The following NTN1 variants were observed in gnomAD, a reference collection of about 807,000 sequenced individuals.
NTN1 encodes the protein netrin-1.
NTN1 carries 11 observed loss-of-function variants against 54.2 expected under a neutral mutation model. That is an observed-to-expected ratio of 0.20 (90% CI 0.13 to 0.34). The LOEUF is 0.34. Ranked by LOEUF, NTN1 falls within the 10% of genes least tolerant of loss-of-function variation. The pLI is 1.00. For missense variants in NTN1, 740 were observed against 893.1 expected (o/e 0.83, Z 2.18); for synonymous variants, 371 against 382.0 (o/e 0.97, Z 0.33).
At chr17:9,167,421 T>C (rs1049922995) in intron 3 of NTN1, among the ~76,000 whole-genome samples, 2 of 152,202 alleles carry the variant, frequency 1.3e-5, no homozygotes, top group African/African-American at 4.8e-5. Context: ...CTGTGATGGA[T>C]AAAGACATTC....
chr17:9,046,239 G>A (rs1449101988), intron 2 of NTN1, among the ~76,000 whole-genome samples: 1 of 152,176 alleles, frequency 6.6e-6, no homozygotes, highest in Non-Finnish European at 1.5e-5. Flanking sequence ...AAGAACTTCA[G>A]TGGATGTTTT....
intron 5 of NTN1, among the ~76,000 whole-genome samples, chr17:9,192,064 A>G (rs1904477986): frequency 6.6e-6 from 1 of 152,140 alleles, no homozygotes. Flanking sequence ...TTGGGGAAGC[A>G]GGTACCCACC....
At chr17:9,178,805 A>T (rs530104396) in intron 3 of NTN1, 1 of 152,434 alleles carries the variant, frequency 6.6e-6, no homozygotes, top group Non-Finnish European at 1.5e-5. Flanking sequence ...GCCACCGCCT[A>T]GCTTCAGGGA....
chr17:9,213,175 G>A (rs1567740444), intron 5 of NTN1, among the ~76,000 whole-genome samples: 1 of 152,348 alleles, frequency 6.6e-6, no homozygotes, highest in East Asian at 1.9e-4. Flanking sequence ...GCCAGGATGG[G>A]CCTGCTGCGA....
intron 5 of NTN1, among the ~76,000 whole-genome samples, chr17:9,195,192 A>ACCGCCCCCCCCCCCCTCCC (rs3031881): frequency 7.0e-6 from 1 of 142,398 alleles, no homozygotes; most frequent in Non-Finnish European, 1.5e-5. Flanking sequence ...GGCGAGCTCT[A>ACCGCCCCCCCCCCCCTCCC]CCACCCCTCC....
At chr17:9,232,873 G>A (rs1399650999) in intron 6 of NTN1, among the ~76,000 whole-genome samples, 1 of 152,262 alleles carries the variant, frequency 6.6e-6, no homozygotes, top group East Asian at 1.9e-4. Flanking sequence ...GGAAGCATGT[G>A]CTCAGAGCTG....
Position 9,153,525 on chromosome 17 carries a change from A to G in NTN1, c.1019-9288A>G, listed in dbSNP as rs116153225. Among the ~76,000 whole-genome samples the G allele has an allele frequency of 4.0e-3, 616 of 152,298 alleles. 9 individuals are homozygous for G. Among genetic ancestry groups the G allele is most frequent in the African/African-American group, 0.014 (575 of 41,550 alleles). On this transcript the variant is annotated intron_variant, in intron 2 of 6. Transcript: ENST00000173229. ...GAATGCTGGTGAATCTGTGCACCCAAGCTGGAGCATCATCACAGGTTGGGG... is the reference window on the plus strand; with the variant it reads ...GAATGCTGGTGAATCTGTGCACCCAGGCTGGAGCATCATCACAGGTTGGGG...
intron 2 of NTN1, among the ~76,000 whole-genome samples, chr17:9,098,021 T>C (rs1293926327): frequency 3.9e-5 from 6 of 151,998 alleles, no homozygotes; most frequent in African/African-American, 1.4e-4. Flanking sequence ...AATAAATAGG[T>C]TCTGAATGAA....
intron 5 of NTN1, among the ~76,000 whole-genome samples, chr17:9,199,581 C>T (rs747835276): frequency 3.0e-4 from 45 of 152,268 alleles, no homozygotes; most frequent in Admixed American, 1.2e-3. Context: ...GGTTTCTCTG[C>T]ATCCAGCCAC....
At chr17:9,223,535 C>T (rs1161887105) in intron 6 of NTN1, among the ~76,000 whole-genome samples, 16 of 149,712 alleles carry the variant, frequency 1.1e-4, no homozygotes, top group African/African-American at 3.0e-4. Flanking sequence ...CTGGCCTGGG[C>T]GACAGAGTGA....
In NTN1 at chr17:9,221,148, C is replaced by CCT; in HGVS notation, c.1412-19_1412-18insTC. The CCT allele has an allele frequency of 1.7e-6, 2 of 1,204,844 alleles. No homozygotes were observed. The highest frequency in any genetic ancestry group is 1.2e-6 in the Non-Finnish European group (1 of 851,252). 74.6% of individuals were successfully genotyped at this position (1,204,844 alleles called of 1,614,324 possible). ...AGCCTAATTAGTTTTTGTCTGTGCT[C>CCT]CCCCCCCACCCCCCTGCAGACTGCG... On this transcript the variant is annotated intron_variant, in intron 5 of 6. Transcript: ENST00000173229. This position sits in a 1 kb window ranked among gnomAD's most constrained non-coding sequence, Gnocchi z 4.5.
At position 9,219,900 on chromosome 17, in the gene NTN1, C is replaced by T. The variant is rs990105786; in HGVS notation, c.1412-1268C>T. On this transcript the variant is annotated intron_variant, in intron 5 of 6. Transcript: ENST00000173229. This position sits in a 1 kb window ranked among gnomAD's most constrained non-coding sequence, Gnocchi z 4.5. ...TGGTCCTCTTTTCCTAATCCCTCACCAGGACACACACCCAGCCAACTTCCA... is the reference window on the plus strand; with the variant it reads ...TGGTCCTCTTTTCCTAATCCCTCACTAGGACACACACCCAGCCAACTTCCA... Among the ~76,000 whole-genome samples the T allele has an allele frequency of 1.3e-5, 2 of 152,194 alleles. No individual in the cohort carries two copies. Among genetic ancestry groups the T allele is most frequent in the African/African-American group, 4.8e-5 (2 of 41,454 alleles).
chr17:9,015,862 G>A, the NTN1 span, among the ~76,000 whole-genome samples: 1 of 152,292 alleles, frequency 6.6e-6, no homozygotes, highest in Non-Finnish European at 1.5e-5. Context: ...CCTGAGGTCA[G>A]AAGCTCGAGA....
intron 2 of NTN1, among the ~76,000 whole-genome samples, chr17:9,093,925 G>T (rs2092121956): frequency 6.6e-6 from 1 of 152,128 alleles, no homozygotes; most frequent in South Asian, 2.1e-4. Context: ...AGTGAGACGA[G>T]ATTGTGGCAC....
intron 6 of NTN1, among the ~76,000 whole-genome samples, chr17:9,232,953 T>C (rs1390277206): frequency 6.6e-6 from 1 of 152,044 alleles, no homozygotes. Context: ...CTGTGCGGCT[T>C]TCATGGTTTC....
intron 2 of NTN1, among the ~76,000 whole-genome samples, chr17:9,060,002 C>T (rs1002481662): frequency 1.3e-5 from 2 of 152,036 alleles, no homozygotes; most frequent in African/African-American, 4.8e-5. Context: ...TTACTGCATA[C>T]GGGGTGTATG....
intron 2 of NTN1, among the ~76,000 whole-genome samples, chr17:9,057,648 A>G (rs1158273705): frequency 6.6e-6 from 1 of 152,072 alleles, no homozygotes; most frequent in Non-Finnish European, 1.5e-5. Flanking sequence ...TGTTTACAAA[A>G]CATCTCCTTT....
intron 2 of NTN1, among the ~76,000 whole-genome samples, chr17:9,042,655 C>T (rs976824550): frequency 5.3e-5 from 8 of 152,002 alleles, no homozygotes; most frequent in East Asian, 3.9e-4. Flanking sequence ...GGTGTGGTGG[C>T]GTGCTCCTGC....
intron 2 of NTN1, among the ~76,000 whole-genome samples, chr17:9,058,238 T>G (rs907488312): frequency 6.6e-6 from 1 of 152,224 alleles, no homozygotes; most frequent in Non-Finnish European, 1.5e-5. Flanking sequence ...AAGTGGTTTT[T>G]GGTTACATGG....
Sources: gnomAD v4.1 joint callset for allele counts (sites outside exome capture counted in the v4.1 genomes callset) on GRCh38, gnomAD v4.1.1 for gene constraint, Gnocchi (gnomAD v3.1) non-coding constraint, MANE v1.5 for transcripts, NCBI Gene and HGNC (gene_info 2026-07-23, HGNC 2026-07-21) for gene names.